SET: variants seen among roughly 807,000 people sequenced by gnomAD.
SET encodes the protein SET nuclear proto-oncogene.
A neutral mutation model predicts 39.0 loss-of-function variants in SET; 4 were observed. The observed-to-expected ratio is 0.10, with a 90% CI of 0.05 to 0.23. The LOEUF (loss-of-function observed/expected upper bound fraction) is 0.23. SET is among the 10% of genes least tolerant of loss of function. The probability of loss-of-function intolerance (pLI) is 1.00; values close to 1 mark genes in which losing one functional copy is unlikely to be tolerated. For synonymous variants in SET, 114 were observed against 115.9 expected (o/e 0.98, Z 0.11); for missense variants, 137 against 329.7 (o/e 0.42, Z 4.53).
chr9:128,690,703 CAG>C (rs1345782962), intron 1 of SET: 1 of 178,900 alleles, frequency 5.6e-6, no homozygotes, highest in East Asian at 1.7e-4. Context: ...ATCGTAATAG[CAG>C]AGTCGTCAAC....
At position 128,689,355 on chromosome 9, in the gene SET, G is replaced by T. The variant is rs577482932; in HGVS notation, c.-228G>T. 88 of 1,039,438 alleles carry T rather than the reference G, an allele frequency of 8.5e-5. No homozygotes were observed. In the South Asian group the frequency reaches 2.1e-3, roughly 24 times the overall value. The allele number at this position is 1,039,438 out of a possible 1,614,324, so 64.4% of individuals were successfully genotyped here. ...CTCCGCCTCCCCTCCGCGAACAGGA[G>T]CCCGGGCCGGGGCCCGGCACGCCGC... On this transcript the variant is annotated 5_prime_UTR_variant, in exon 1 of 8. Transcript: ENST00000322030.
upstream of SET, among the ~76,000 whole-genome samples, chr9:128,687,617 C>CAAAAAAAA (rs57072661): frequency 1.3e-5 from 1 of 79,682 alleles, no homozygotes. Flanking sequence ...CCTCCCCCAC[C>CAAAAAAAA]AAAAAAAAAA....
upstream of SET, among the ~76,000 whole-genome samples, chr9:128,686,026 CAACAAA>C (rs1178162989): frequency 6.7e-6 from 1 of 148,478 alleles, no homozygotes; most frequent in African/African-American, 2.5e-5. Context: ...ACAACAACAA[CAACAAA>C]AAAAAAAACA....
upstream of SET, chr9:128,689,210 C>A (rs1466388180): frequency 5.1e-6 from 5 of 984,794 alleles, no homozygotes; most frequent in Non-Finnish European, 6.0e-6. Context: ...CGCGCCTGCG[C>A]CCTGCGCCCG....
At chr9:128,689,994 C>G in intron 1 of SET, 8 of 1,040,996 alleles carry the variant, frequency 7.7e-6, no homozygotes, top group Non-Finnish European at 9.3e-6. Context: ...GCCATGATGC[C>G]TCGCTCCCAT....
rs202068042 is a variant in SET, at chr9:128,692,420, A to AAAAAC, written c.275-240_275-239insAACAA. 109 of 255,190 alleles carry AAAAAC rather than the reference A, an allele frequency of 4.3e-4. 1 individual carries two copies. The highest frequency in any genetic ancestry group is 3.0e-3 in the African/African-American group (103 of 34,668). The allele number at this position is 255,190 out of a possible 1,614,324, so 15.8% of individuals were successfully genotyped here. ...TTCAAAAAAAAAAAAAAAAAAAAAA[A>AAAAAC]AACCTCAAAGACGGGAAAAGATATA... On this transcript the variant is annotated intron_variant, in intron 3 of 7. Transcript: ENST00000322030.
chr9:128,693,044 A>T, intron 5 of SET, 63 bp downstream of exon 5: 1 of 1,065,410 alleles, frequency 9.4e-7, no homozygotes, highest in Non-Finnish European at 1.4e-6. Flanking sequence ...AGTTTTAACC[A>T]CTTACAAGTG....
intron 1 of SET, chr9:128,690,500 C>T (rs551258962): frequency 2.0e-5 from 3 of 153,246 alleles, no homozygotes; most frequent in Non-Finnish European, 2.9e-5. Flanking sequence ...TTTTCTTCCT[C>T]TCCCTTCTGT....
Position 128,693,994 on chromosome 9 carries a change from GGATGAAGGTGAAGAA to G in SET, c.770_784del (p.Gly257_Glu261del). 6.4e-7 allele frequency: 1 copy of G among 1,552,828 alleles called. No individual in the cohort carries two copies. Among genetic ancestry groups the G allele is most frequent in the Non-Finnish European group, 8.8e-7 (1 of 1,131,510 alleles). On this transcript the variant is annotated inframe_deletion, in exon 7 of 8. Coordinates refer to ENST00000322030, the MANE Select transcript of SET (RefSeq NM_003011.4). ...AAGATATTGACGAAGAAGGGGATGA[GGATGAAGGTGAAGAA>G]GATGAAGATGATGATGAAGGGGAGG...
chr9:128,691,827 CATT>C, intron 2 of SET, 28 bp from the exon 3 acceptor site: 4 of 1,591,318 alleles, frequency 2.5e-6, no homozygotes, highest in South Asian at 1.1e-5. Context: ...TAAATACTAT[CATT>C]GTCAACATCT....
Position 128,691,226 on chromosome 9 carries a change from A to G in SET, c.130A>G (p.Arg44Gly). Residue 44 changes from arginine (R) to glycine (G), a missense_variant and splice_region_variant, in exon 2 of 8, where the codon AGA becomes GGA. Transcript: ENST00000322030. Reference protein sequence around the residue: ...HIDEVQNEIDRLNEQASEEIL... With the variant: ...HIDEVQNEIDGLNEQASEEIL... ...TGATGAAGTACAAAATGAAATAGAC[A>G]GGTAACATTTTTCTTAATATACTTC... The G allele has an allele frequency of 1.3e-6, 2 of 1,586,704 alleles. No homozygotes were observed. Among genetic ancestry groups the G allele is most frequent in the Non-Finnish European group, 1.7e-6 (2 of 1,162,898 alleles).
At chr9:128,694,578 G>A (rs909043475) in intron 7 of SET, 63 bp from the exon 8 acceptor site, 1 of 1,165,390 alleles carries the variant, frequency 8.6e-7, no homozygotes, top group Non-Finnish European at 1.2e-6. Flanking sequence ...GGTCCATTGT[G>A]GTCCATATGA....
At chr9:128,692,248 G>C in intron 3 of SET, 1 of 383,676 alleles carries the variant, frequency 2.6e-6, no homozygotes, top group South Asian at 4.0e-5. Flanking sequence ...AAATTAGCTG[G>C]GCGTGGTGGC....
At chr9:128,684,153 T>C (rs988443224) in intron 1 of SET, 2 of 660,188 alleles carry the variant, frequency 3.0e-6, no homozygotes, top group Non-Finnish European at 5.2e-6. Flanking sequence ...TAAGTTTGCG[T>C]GAAGAACCAG....
At chr9:128,684,020 G>C in intron 1 of SET, 1 of 1,528,032 alleles carries the variant, frequency 6.5e-7, no homozygotes, top group Non-Finnish European at 8.9e-7. Flanking sequence ...ACGTTTCTGC[G>C]CTAAGTTTTA....
rs1263820921 is a variant in SET at position 128,689,295 on chromosome 9, G to A, written c.-288G>A. On this transcript the variant is annotated 5_prime_UTR_variant, in exon 1 of 8. Coordinates refer to ENST00000322030, the MANE Select transcript of SET (RefSeq NM_003011.4). ...CAGCGAGCTGGCTGGATCGCCGAGC[G>A]CGAGTGAGGGAGCCGAGCCGCCCGC... The A allele has an allele frequency of 2.9e-6, 3 of 1,019,424 alleles. No homozygotes were observed. Among genetic ancestry groups the A allele is most frequent in the African/African-American group, 1.7e-5 (1 of 58,116 alleles). The allele number at this position is 1,019,424 out of a possible 1,614,324, so 63.1% of individuals were successfully genotyped here.
upstream of SET, among the ~76,000 whole-genome samples, chr9:128,684,424 A>T (rs1449046310): frequency 6.6e-6 from 1 of 152,084 alleles, no homozygotes; most frequent in South Asian, 2.1e-4. Context: ...ACGGCGGCCC[A>T]CAACTCTGGC....
chr9:128,694,866 C>G lies in SET; in HGVS notation c.*202C>G. On this transcript the variant is annotated 3_prime_UTR_variant, in exon 8 of 8. Transcript: ENST00000322030. ...GAGCAGAATACAATGGGAAAAGAGT[C>G]TCTACCCCTTTCTGTTCGAAGTTCA... 2.3e-6 allele frequency: 1 copy of G among 435,722 alleles called. No homozygotes were observed. Among genetic ancestry groups the G allele is most frequent in the Non-Finnish European group, 4.0e-6 (1 of 249,836 alleles). The allele number at this position is 435,722 out of a possible 1,614,324, so 27.0% of individuals were successfully genotyped here.
chr9:128,690,006 A>AGCC (rs759628911), intron 1 of SET: 97 of 1,032,454 alleles, frequency 9.4e-5, no homozygotes, highest in Non-Finnish European at 1.1e-4. Flanking sequence ...CGCTCCCATC[A>AGCC]GCCGCCGCCG....
Sources: allele counts gnomAD v4.1 joint callset (sites outside exome capture counted in the v4.1 genomes callset), GRCh38; gene constraint gnomAD v4.1.1; transcripts MANE v1.5; gene names NCBI Gene and HGNC (gene_info 2026-07-23, HGNC 2026-07-21).